Variants in COQ3 observed in about 807,000 individuals in gnomAD.
COQ3 encodes coenzyme Q3, methyltransferase, also known as ubiquinone biosynthesis O-methyltransferase, mitochondrial.
In COQ3, 29 loss-of-function variants were observed where a neutral mutation model predicts 33.1. That is an observed-to-expected ratio of 0.88 (90% CI 0.65 to 1.19). The LOEUF (loss-of-function observed/expected upper bound fraction) is 1.19, where lower values mean the gene tolerates loss of function less well. Among genes scored for constraint, COQ3 ranks in the 50% most tolerant of loss-of-function variants. The pLI is 0.00. For synonymous variants in COQ3, 173 were observed against 157.8 expected (o/e 1.10, Z -0.72); for missense variants, 437 against 430.7 (o/e 1.01, Z -0.13).
intron 6 of COQ3, 101 bp downstream of exon 6, chr6:99,371,327 G>T: frequency 1.5e-6 from 1 of 687,088 alleles, no homozygotes; most frequent in Non-Finnish European, 2.4e-6. Context: ...AAAACATAGT[G>T]GCCTATTTTA....
In COQ3 at chr6:99,376,105, T is replaced by C. The variant is rs746518645; in HGVS notation, c.564A>G (p.Lys188=). 5.6e-6 allele frequency: 9 copies of C among 1,614,036 alleles called. No homozygotes were observed. The highest frequency in any genetic ancestry group is 7.6e-6 in the Non-Finnish European group (9 of 1,180,016). The change falls in exon 5 of 7, where the codon AAA becomes AAG. Residue 188 remains lysine, a synonymous_variant. Coordinates refer to ENST00000254759, the MANE Select transcript of COQ3 (RefSeq NM_017421.4). ...DENIKTAQCH[K]SFDPVLDKRI... ...TCTTATCCAGGACTGGATCAAATGA[T>C]TTATGGCATTGTGCTGTTTTAATGT...
intron 4 of COQ3, among the ~76,000 whole-genome samples, chr6:99,376,994 A>ATG (rs140372356): frequency 0.026 from 3,616 of 138,962 alleles, 107 homozygotes; most frequent in East Asian, 0.12. Context: ...AATATTATGG[A>ATG]TGTGTGTGTG....
chr6:99,375,054 C>T (rs1774245860), intron 5 of COQ3, among the ~76,000 whole-genome samples: 1 of 150,540 alleles, frequency 6.6e-6, no homozygotes. Context: ...ACTGCAACCT[C>T]TGCCTCCCGG....
At chr6:99,388,916 CA>C (rs1562210313) in intron 1 of COQ3, among the ~76,000 whole-genome samples, 8 of 149,574 alleles carry the variant, frequency 5.3e-5, no homozygotes, top group East Asian at 2.0e-4. Flanking sequence ...CACACACACA[CA>C]CACACACACA....
At chr6:99,376,292 G>T in intron 4 of COQ3, 110 bp from the exon 5 acceptor site, 2 of 1,125,160 alleles carry the variant, frequency 1.8e-6, no homozygotes, top group Non-Finnish European at 2.5e-6. Context: ...ATAAATACTG[G>T]ACATCATTTA....
At chr6:99,373,315 T>C (rs1288444425) in intron 5 of COQ3, among the ~76,000 whole-genome samples, 8 of 151,992 alleles carry the variant, frequency 5.3e-5, no homozygotes, top group South Asian at 2.1e-4. Flanking sequence ...CCTGTAGACA[T>C]AGCTACTTGG....
In COQ3 at chr6:99,393,926, G is replaced by C; in HGVS notation, c.106+148C>G. 3 of 622,904 alleles carry C rather than the reference G, an allele frequency of 4.8e-6. No homozygotes were observed. In the South Asian group the frequency reaches 5.5e-5, roughly 11 times the overall value. The allele number at this position is 622,904 out of a possible 1,614,324, so 38.6% of individuals were successfully genotyped here. On this transcript the variant is annotated intron_variant, in intron 1 of 6. Coordinates refer to ENST00000254759, the MANE Select transcript of COQ3 (RefSeq NM_017421.4). ...GGGACTATGCGAGGTTTACAATGGA[G>C]AGAGATGGGGCCAGGACCAAGCCTT...
intron 1 of COQ3, 121 bp downstream of exon 1, chr6:99,393,953 G>C (rs1011979779): frequency 1.8e-5 from 14 of 765,826 alleles, no homozygotes; most frequent in Non-Finnish European, 2.9e-5. Context: ...CCAAGCCTTA[G>C]GTTTCGCGCT....
chr6:99,386,042 G>A (rs954193757), intron 1 of COQ3, among the ~76,000 whole-genome samples: 3 of 125,534 alleles, frequency 2.4e-5, no homozygotes, highest in African/African-American at 8.8e-5. Flanking sequence ...GAAAGGCCTC[G>A]AATCAACAAT....
intron 2 of COQ3, among the ~76,000 whole-genome samples, chr6:99,381,923 C>T (rs1774484269): frequency 9.0e-6 from 1 of 111,042 alleles, no homozygotes; most frequent in Admixed American, 8.8e-5. Flanking sequence ...AAGACTCTGT[C>T]TCAAAAAAAA....
intron 1 of COQ3, among the ~76,000 whole-genome samples, chr6:99,385,848 A>G (rs577780518): frequency 2.0e-5 from 3 of 151,614 alleles, no homozygotes; most frequent in African/African-American, 7.3e-5. Context: ...ATGGTGGTAC[A>G]CACCTGTAGT....
chr6:99,392,843 G>A (rs999653832), intron 1 of COQ3, among the ~76,000 whole-genome samples: 1 of 151,938 alleles, frequency 6.6e-6, no homozygotes, highest in Non-Finnish European at 1.5e-5. Flanking sequence ...GGCTGGTCTC[G>A]AACACTTGAC....
chr6:99,393,699 A>C (rs1774890367), intron 1 of COQ3, among the ~76,000 whole-genome samples: 1 of 152,242 alleles, frequency 6.6e-6, no homozygotes, highest in Non-Finnish European at 1.5e-5. Context: ...CAAACAAAAC[A>C]CAGATACAAA....
chr6:99,392,375 G>A (rs1355707268), intron 1 of COQ3, among the ~76,000 whole-genome samples: 4 of 152,160 alleles, frequency 2.6e-5, no homozygotes, highest in Non-Finnish European at 5.9e-5. Flanking sequence ...GCTGCCAAGT[G>A]TTATTTCTTA....
At chr6:99,391,415 C>T (rs1774826721) in intron 1 of COQ3, among the ~76,000 whole-genome samples, 1 of 151,964 alleles carries the variant, frequency 6.6e-6, no homozygotes, top group Admixed American at 6.6e-5. Flanking sequence ...TTTTATTTCC[C>T]TTTCCACCAA....
intron 3 of COQ3, among the ~76,000 whole-genome samples, chr6:99,377,813 T>C (rs1774339193): frequency 6.6e-6 from 1 of 152,012 alleles, no homozygotes; most frequent in Non-Finnish European, 1.5e-5. Flanking sequence ...GGCTTTGCTG[T>C]CAATACTTGC....
Position 99,383,810 on chromosome 6 carries a change from G to C in COQ3, c.121C>G (p.Gln41Glu), listed in dbSNP as rs780903321. 5.7e-6 allele frequency: 9 copies of C among 1,573,470 alleles called. No individual in the cohort carries two copies. The African/African-American group carries it at 9.7e-5, about 17-fold the overall frequency. ...LISSAVYVKN[Q>E]LSGTLQIKPG... ...TTAATCTGTAGAGTCCCACTGAGCT[G>C]GTTCTTCACATAAACTGAAAAAAAA... The change falls in exon 2 of 7, where the codon CAG becomes GAG. Residue 41 changes from glutamine (Q) to glutamate (E), a missense_variant. Transcript: ENST00000254759.
In COQ3 at chr6:99,394,092, G is replaced by C; in HGVS notation, c.88C>G (p.Pro30Ala). Reference sequence around the variant, plus strand: ...CACTCACCCGCCGAGGAAATTAAGGGACGCGCAGCTTTTGTATTACAGCCT... The same window carrying C: ...CACTCACCCGCCGAGGAAATTAAGGCACGCGCAGCTTTTGTATTACAGCCT... ...PGGCNTKAAR[P>A]LISSAVYVKN... The change falls in exon 1 of 7, where the codon CCC becomes GCC. Residue 30 changes from proline to alanine, a missense_variant. Coordinates refer to ENST00000254759, the MANE Select transcript of COQ3 (RefSeq NM_017421.4). 1 of 1,613,820 alleles carries C rather than the reference G, an allele frequency of 6.2e-7. No individual in the cohort carries two copies.
Position 99,379,696 on chromosome 6 carries a change from A to C in COQ3, c.386+493T>G, listed in dbSNP as rs538263551. On this transcript the variant is annotated intron_variant, in intron 3 of 6. Transcript: ENST00000254759. ...ATAGTGAAACCCTGTCTCTACTAAA[A>C]ATACAAAAATTAGCTGGGCATGGTG... Among the ~76,000 whole-genome samples the C allele has an allele frequency of 5.3e-5, 8 of 152,218 alleles. No individual in the cohort carries two copies. The East Asian group carries it at 1.5e-3, about 29-fold the overall frequency.
Sources: allele counts gnomAD v4.1 joint callset (sites outside exome capture counted in the v4.1 genomes callset), GRCh38; gene constraint gnomAD v4.1.1; transcripts MANE v1.5; gene names NCBI Gene and HGNC (gene_info 2026-07-23, HGNC 2026-07-21).